STX3: variants seen among roughly 807,000 people sequenced by gnomAD.
STX3 encodes the protein syntaxin-3.
A neutral mutation model predicts 40.2 loss-of-function variants in STX3; 19 were observed. The ratio of observed to expected loss-of-function variants is 0.47; its 90% CI spans 0.33 to 0.69. STX3 has a LOEUF of 0.69. Among genes scored for constraint, STX3 ranks in the 30% least tolerant of loss-of-function variants. The probability of loss-of-function intolerance (pLI) is 0.02; values close to 1 mark genes in which losing one functional copy is unlikely to be tolerated. For missense variants in STX3, 364 were observed against 366.7 expected (o/e 0.99, Z 0.06); for synonymous variants, 122 against 132.2 (o/e 0.92, Z 0.53).
In STX3 at chr11:59,795,562, C is replaced by G. The variant is rs764038419; in HGVS notation, c.786+80C>G. The G allele has an allele frequency of 4.5e-6, 7 of 1,549,052 alleles. No homozygotes were observed. The Admixed American group carries it at 1.4e-4, about 30-fold the overall frequency. On this transcript the variant is annotated intron_variant, in intron 9 of 10. Transcript: ENST00000337979. ...CGCTCTTTCTCTTCCCTCTCCCTGT[C>G]TCTGTTTCTGCTGCCACCACCTCTT... is the stretch of plus-strand genomic sequence containing the variant.
chr11:59,767,296 G>A (rs1863328106), intron 1 of STX3, among the ~76,000 whole-genome samples: 1 of 152,162 alleles, frequency 6.6e-6, no homozygotes, highest in Admixed American at 6.5e-5. Context: ...GGTTGGGGAG[G>A]GGAGGAAGTT....
intron 2 of STX3, among the ~76,000 whole-genome samples, chr11:59,780,848 C>T (rs1024208546): frequency 5.9e-5 from 9 of 152,166 alleles, no homozygotes; most frequent in Non-Finnish European, 1.3e-4. Flanking sequence ...TTTTCACTTT[C>T]CTGACTAAGT....
intron 2 of STX3, among the ~76,000 whole-genome samples, chr11:59,778,547 G>A (rs1864138528): frequency 2.0e-5 from 3 of 152,224 alleles, no homozygotes; most frequent in African/African-American, 7.2e-5. Flanking sequence ...AAAAGAAAGA[G>A]AGGGAAGGGG....
At chr11:59,786,039 G>T in intron 2 of STX3, among the ~76,000 whole-genome samples, 1 of 152,102 alleles carries the variant, frequency 6.6e-6, no homozygotes, top group African/African-American at 2.4e-5. Context: ...AATATTTTAT[G>T]ATACTCACAG....
At chr11:59,792,703 A>G (rs1026225612) in intron 6 of STX3, among the ~76,000 whole-genome samples, 9 of 152,210 alleles carry the variant, frequency 5.9e-5, no homozygotes, top group Admixed American at 4.6e-4. Context: ...AACATAATCA[A>G]GAAAGAGCAA....
chr11:59,776,880 G>A (rs1863994416), intron 2 of STX3, among the ~76,000 whole-genome samples: 1 of 152,190 alleles, frequency 6.6e-6, no homozygotes, highest in African/African-American at 2.4e-5. Context: ...ATTTGCAGTT[G>A]TCTATATTTT....
chr11:59,772,072 G>A (rs1325670861), intron 1 of STX3, among the ~76,000 whole-genome samples: 2 of 152,208 alleles, frequency 1.3e-5, no homozygotes, highest in Non-Finnish European at 2.9e-5. Context: ...CAGGGGGATG[G>A]TCGTGGGTGA....
At chr11:59,773,151 C>T (rs1863754656) in intron 1 of STX3, 60 bp from the exon 2 acceptor site, 1 of 1,525,550 alleles carries the variant, frequency 6.6e-7, no homozygotes, top group East Asian at 2.3e-5. Context: ...CGTGAGCATT[C>T]AATAATTTAG....
At position 59,803,574 on chromosome 11, in the gene STX3, C is replaced by T. The variant is rs1232457864; in HGVS notation, c.*2750C>T. Among the ~76,000 whole-genome samples the T allele has an allele frequency of 6.6e-6, 1 of 152,128 alleles. No homozygotes were observed. Among genetic ancestry groups the T allele is most frequent in the Non-Finnish European group, 1.5e-5 (1 of 68,022 alleles). ...TACAGGTGAAGGATAGTGATTCCTGCTAAACAGTTTGAGCCTTGGTATCTG... is the reference window on the plus strand; with the variant it reads ...TACAGGTGAAGGATAGTGATTCCTGTTAAACAGTTTGAGCCTTGGTATCTG... On this transcript the variant is annotated 3_prime_UTR_variant, in exon 11 of 11. Coordinates refer to ENST00000337979, the MANE Select transcript of STX3 (RefSeq NM_004177.5).
chr11:59,795,343 T>A (rs747863048), intron 8 of STX3, 29 bp from the exon 9 acceptor site: 2 of 1,584,926 alleles, frequency 1.3e-6, no homozygotes, highest in South Asian at 2.3e-5. Flanking sequence ...AGACGTTTAC[T>A]TGGTGTGATC....
chr11:59,775,936 A>G (rs765558491), intron 2 of STX3, among the ~76,000 whole-genome samples: 1 of 152,254 alleles, frequency 6.6e-6, no homozygotes, highest in Non-Finnish European at 1.5e-5. Context: ...ATTAAATTCC[A>G]TATCTGCCAC....
intron 4 of STX3, among the ~76,000 whole-genome samples, chr11:59,789,458 T>TA: frequency 6.6e-6 from 1 of 151,788 alleles, no homozygotes; most frequent in African/African-American, 2.4e-5. Context: ...TTTTTTTTTT[T>TA]AAGACAGAAT....
chr11:59,794,287 C>T lies in STX3; in HGVS notation c.675+773C>T, dbSNP rs115441244. ...GATTGCCTGCATAGGGCGCTAGTTT[C>T]GCATAGTTAGATGGTTCCTAGTTCT... On this transcript the variant is annotated intron_variant, in intron 8 of 10. Coordinates refer to ENST00000337979, the MANE Select transcript of STX3 (RefSeq NM_004177.5). Among the ~76,000 whole-genome samples, 1,033 of 152,270 alleles carry T rather than the reference C, an allele frequency of 6.8e-3. 13 individuals are homozygous for T. The highest frequency in any genetic ancestry group is 0.024 in the African/African-American group (984 of 41,552).
At chr11:59,788,762 T>G in intron 3 of STX3, 111 bp from the exon 4 acceptor site, 1 of 790,980 alleles carries the variant, frequency 1.3e-6, no homozygotes, top group Non-Finnish European at 2.0e-6. Context: ...AATACCATTC[T>G]GGGCAGTGGA....
intron 2 of STX3, among the ~76,000 whole-genome samples, chr11:59,786,305 A>T (rs1864772109): frequency 6.8e-6 from 1 of 146,088 alleles, no homozygotes. Context: ...AGTGGTGCGA[A>T]CTCGGCTCAC....
intron 2 of STX3, among the ~76,000 whole-genome samples, chr11:59,773,951 C>T (rs1359700803): frequency 1.6e-5 from 2 of 125,082 alleles, no homozygotes; most frequent in Non-Finnish European, 3.2e-5. Flanking sequence ...GCCTGGGTGA[C>T]AGAGTGAGAC....
chr11:59,795,577 C>T, intron 9 of STX3, 95 bp downstream of exon 9: 1 of 1,546,086 alleles, frequency 6.5e-7, no homozygotes, highest in Non-Finnish European at 8.7e-7. Flanking sequence ...TTTCTGCTGC[C>T]ACCACCTCTT....
In STX3 at chr11:59,797,292, A is replaced by G. The variant is rs1865581165; in HGVS notation, c.796A>G (p.Ile266Val). ...YQSQARKKLIIIIVLVVVLLG... is the reference protein window; with the variant it reads ...YQSQARKKLIVIIVLVVVLLG... ...TTATTCCTCTCTCCAGAAATTGATAATTATCATTGTGCTAGTAGTTGTGTT... is the reference window on the plus strand; with the variant it reads ...TTATTCCTCTCTCCAGAAATTGATAGTTATCATTGTGCTAGTAGTTGTGTT... The change falls in exon 10 of 11, where the codon ATT becomes GTT. Residue 266 changes from isoleucine to valine, a missense_variant. By Grantham distance (29) the Ile-to-Val change is conservative. Transcript: ENST00000337979. The G allele has an allele frequency of 6.2e-7, 1 of 1,613,310 alleles. No individual in the cohort carries two copies. Among genetic ancestry groups the G allele is most frequent in the African/African-American group, 1.3e-5 (1 of 75,008 alleles).
chr11:59,772,974 AACACACAC>A (rs3035302), intron 1 of STX3, among the ~76,000 whole-genome samples: 34 of 140,680 alleles, frequency 2.4e-4, no homozygotes, highest in South Asian at 6.9e-4. Context: ...CCCTGAAAGA[AACACACAC>A]ACACACACAC....
Sources: gnomAD v4.1 joint callset for allele counts (sites outside exome capture counted in the v4.1 genomes callset) on GRCh38, gnomAD v4.1.1 for gene constraint, MANE v1.5 for transcripts, NCBI Gene and HGNC (gene_info 2026-07-23, HGNC 2026-07-21) for gene names.